The following KLHL2 variants were observed in gnomAD, a reference collection of about 807,000 sequenced individuals.
KLHL2 encodes the protein kelch-like protein 2.
A neutral mutation model predicts 75.8 loss-of-function variants in KLHL2; 15 were observed. That is an observed-to-expected ratio of 0.20 (90% CI 0.13 to 0.30). KLHL2 has a LOEUF of 0.30. Ranked by LOEUF, KLHL2 falls within the 10% of genes least tolerant of loss-of-function variation. The pLI, the probability that KLHL2 is intolerant of heterozygous loss-of-function variation, is 1.00. For synonymous variants in KLHL2, 214 were observed against 251.9 expected (o/e 0.85, Z 1.42); for missense variants, 381 against 741.0 (o/e 0.51, Z 5.64).
intron 1 of KLHL2, among the ~76,000 whole-genome samples, chr4:165,214,846 T>G (rs1216557039): frequency 6.6e-6 from 1 of 152,154 alleles, no homozygotes; most frequent in African/African-American, 2.4e-5. Context: ...TCAATGGCAT[T>G]ATGATATTGT....
At chr4:165,303,098 C>T (rs1745456026) in intron 8 of KLHL2, among the ~76,000 whole-genome samples, 1 of 152,150 alleles carries the variant, frequency 6.6e-6, no homozygotes, top group Non-Finnish European at 1.5e-5. Flanking sequence ...GCACGTTCTC[C>T]TTGTCTCCTT....
rs909667854 is a variant in KLHL2, at chr4:165,210,309, C to T, written c.26+2407C>T. ...AAATTTACATTGTTCTCAGATCCCA[C>T]CTTGTTCTCCACTGGCCTGTTGGCA... On this transcript the variant is annotated intron_variant, in intron 1 of 14. Transcript: ENST00000226725. 4 of 933,990 alleles carry T rather than the reference C, an allele frequency of 4.3e-6. No homozygotes were observed. The Admixed American group carries it at 8.1e-5, about 19-fold the overall frequency. 57.9% of individuals were successfully genotyped at this position (933,990 alleles called of 1,614,324 possible). A position where few individuals can be genotyped will look rare whatever the true frequency, so the allele number is the denominator to read the frequency against.
chr4:165,316,547 T>C (rs1336903331), intron 13 of KLHL2, among the ~76,000 whole-genome samples: 2 of 152,192 alleles, frequency 1.3e-5, no homozygotes, highest in African/African-American at 4.8e-5. Context: ...ATAGTAGCAC[T>C]GAACTTTTTA....
At chr4:165,215,818 T>C (rs1737497477) in intron 1 of KLHL2, among the ~76,000 whole-genome samples, 1 of 152,152 alleles carries the variant, frequency 6.6e-6, no homozygotes, top group African/African-American at 2.4e-5. Flanking sequence ...GCAGGACATA[T>C]TACATGACTT....
chr4:165,315,452 C>G (rs1225111158), intron 13 of KLHL2, among the ~76,000 whole-genome samples: 1 of 152,086 alleles, frequency 6.6e-6, no homozygotes, highest in Non-Finnish European at 1.5e-5. Flanking sequence ...GACAACATTA[C>G]TTGAGTTTAT....
chr4:165,233,618 A>T (rs540438393), intron 3 of KLHL2, among the ~76,000 whole-genome samples: 1 of 152,278 alleles, frequency 6.6e-6, no homozygotes, highest in South Asian at 2.1e-4. Flanking sequence ...TTCATCAAGG[A>T]ATATTTATTG....
chr4:165,264,605 T>TATATATATATATATATATACAC (rs757273597), intron 5 of KLHL2, among the ~76,000 whole-genome samples: 1 of 124,130 alleles, frequency 8.1e-6, no homozygotes, highest in Non-Finnish European at 1.7e-5. Flanking sequence ...TATATATATA[T>TATATATATATATATATATACAC]ACACACACAC....
At chr4:165,317,281 T>C (rs1361743065) in intron 13 of KLHL2, among the ~76,000 whole-genome samples, 1 of 151,758 alleles carries the variant, frequency 6.6e-6, no homozygotes, top group Non-Finnish European at 1.5e-5. Flanking sequence ...GGTAGAATAA[T>C]GCATATATAA....
intron 5 of KLHL2, among the ~76,000 whole-genome samples, chr4:165,264,725 T>C (rs1229161432): frequency 6.8e-5 from 5 of 74,046 alleles, no homozygotes; most frequent in African/African-American, 1.5e-4. Flanking sequence ...TATATACATA[T>C]ATATATATAT....
At chr4:165,238,013 T>C (rs1739494931) in intron 3 of KLHL2, among the ~76,000 whole-genome samples, 2 of 152,112 alleles carry the variant, frequency 1.3e-5, no homozygotes, top group Non-Finnish European at 2.9e-5. Flanking sequence ...AAGTGGGTAT[T>C]AGGAAGAAAG....
rs1470429084 is a variant in KLHL2, at chr4:165,259,539, C to G, written c.382-3658C>G. On this transcript the variant is annotated intron_variant, in intron 4 of 14. Transcript: ENST00000226725. ...CCCATACCAGGTGTGTGACCTTTAG[C>G]AAGTTACCCAACTTCTCCTACCCTC... Among the ~76,000 whole-genome samples the G allele has an allele frequency of 2.6e-5, 4 of 152,204 alleles. No individual in the cohort carries two copies. The South Asian group carries it at 6.2e-4, about 24-fold the overall frequency.
chr4:165,231,208 C>T (rs1273711279), intron 3 of KLHL2, among the ~76,000 whole-genome samples: 1 of 152,052 alleles, frequency 6.6e-6, no homozygotes, highest in Non-Finnish European at 1.5e-5. Context: ...AATTCCAGCA[C>T]TTTAGGAGGC....
intron 6 of KLHL2, among the ~76,000 whole-genome samples, chr4:165,296,597 G>A (rs1490323249): frequency 2.0e-5 from 3 of 152,146 alleles, no homozygotes; most frequent in Non-Finnish European, 1.5e-5. Flanking sequence ...ATCTGGTGGT[G>A]GTGGGCAGTA....
intron 5 of KLHL2, among the ~76,000 whole-genome samples, chr4:165,285,695 C>T (rs1191572855): frequency 1.3e-5 from 2 of 152,110 alleles, no homozygotes; most frequent in Non-Finnish European, 2.9e-5. Flanking sequence ...GCATGAGCCG[C>T]CATGCCTGGC....
intron 9 of KLHL2, 114 bp from the exon 10 acceptor site, chr4:165,310,439 C>T (rs1370126186): frequency 1.2e-6 from 1 of 841,108 alleles, no homozygotes; most frequent in Non-Finnish European, 2.0e-6. Context: ...AATCAGGCTC[C>T]TCCTAAGAGT....
At chr4:165,316,870 AG>A (rs1560835294) in intron 13 of KLHL2, among the ~76,000 whole-genome samples, 2 of 152,212 alleles carry the variant, frequency 1.3e-5, no homozygotes, top group Non-Finnish European at 1.5e-5. Flanking sequence ...TATTTAATAA[AG>A]TAGCATGTGT....
rs7672612 is a variant in KLHL2 at position 165,228,682 on chromosome 4, A to C, written c.153-125A>C. The C allele has an allele frequency of 3.8e-5, 23 of 603,940 alleles. No individual in the cohort carries two copies. The African/African-American group carries it at 3.9e-4, about 10-fold the overall frequency. The allele number at this position is 603,940 out of a possible 1,614,324, so 37.4% of individuals were successfully genotyped here. A position where few individuals can be genotyped will look rare whatever the true frequency, so the allele number is the denominator to read the frequency against. On this transcript the variant is annotated intron_variant, in intron 2 of 14. Coordinates refer to ENST00000226725, the MANE Select transcript of KLHL2 (RefSeq NM_007246.4). Reference sequence around the variant, plus strand: ...ATGTTTAGGGATCATGTCCCAAAGGATGGCTGTCTTTTACGTTAGTCTCCA... The same window carrying C: ...ATGTTTAGGGATCATGTCCCAAAGGCTGGCTGTCTTTTACGTTAGTCTCCA...
intron 9 of KLHL2, among the ~76,000 whole-genome samples, chr4:165,307,076 A>AAGGC (rs1745788249): frequency 1.3e-5 from 2 of 152,190 alleles, no homozygotes; most frequent in African/African-American, 2.4e-5. Context: ...TTGGGAGGCC[A>AAGGC]AGGTGGGCCG....
At chr4:165,277,754 C>G (rs987663746) in intron 5 of KLHL2, 86 of 265,812 alleles carry the variant, frequency 3.2e-4, no homozygotes, top group Admixed American at 5.7e-4. Context: ...TAAAAACACA[C>G]ACACACACAC....
Sources: allele counts gnomAD v4.1 joint callset (sites outside exome capture counted in the v4.1 genomes callset), GRCh38; gene constraint gnomAD v4.1.1; transcripts MANE v1.5; gene names NCBI Gene and HGNC (gene_info 2026-07-23, HGNC 2026-07-21).